The following NF1 variants were observed in gnomAD, a reference collection of about 807,000 sequenced individuals.
The protein encoded by NF1 is neurofibromin 1.
Under a neutral mutation model 325.7 loss-of-function variants are expected in NF1, and 122 were observed. The observed-to-expected ratio is 0.37, with a 90% CI of 0.32 to 0.44. The LOEUF (loss-of-function observed/expected upper bound fraction) is 0.44, where lower values mean the gene tolerates loss of function less well. Among genes scored for constraint, NF1 ranks in the 20% least tolerant of loss-of-function variants. The pLI is 1.00. For missense variants in NF1, 2,140 were observed against 3,415.4 expected, an observed-to-expected ratio of 0.63 and a Z score of 9.31; for synonymous variants, 1,091 against 1,186.0, an observed-to-expected ratio of 0.92 and a Z score of 1.65.
At position 31,265,319 on chromosome 17, in the gene NF1, T is replaced by A; in HGVS notation, c.4815T>A (p.Ile1605=). The part of the protein sequence containing the change: ...QAGTSKAGNP[I]FYYVARRFKT... ...GGACTTCCAAAGCTGGGAATCCTAT[T>A]TTTTATTATGTTGCACGGAGGTAAG... The change falls in exon 36 of 58, where the codon ATT becomes ATA. Residue 1605 remains isoleucine (I), a synonymous_variant. Coordinates refer to ENST00000358273, the MANE Select transcript of NF1 (RefSeq NM_001042492.3). The A allele has an allele frequency of 6.2e-7, 1 of 1,612,390 alleles. No homozygotes were observed. Among genetic ancestry groups the A allele is most frequent in the Non-Finnish European group, 8.5e-7 (1 of 1,178,738 alleles).
At chr17:31,320,417 A>G (rs768583648) in intron 36 of NF1, 3 of 1,611,218 alleles carry the variant, frequency 1.9e-6, no homozygotes, top group Admixed American at 1.7e-5. Context: ...TTCCAAACCA[A>G]CTCCTAAGCA....
In NF1 at chr17:31,127,523, CATG is replaced by C. The variant is rs200097301; in HGVS notation, c.61-28457_61-28455del. 9.5e-3 allele frequency among the ~76,000 whole-genome samples: 1,441 copies of C among 151,370 alleles called. 23 individuals are homozygous for C. Among genetic ancestry groups the C allele is most frequent in the African/African-American group, 0.033 (1,354 of 41,360 alleles). On this transcript the variant is annotated intron_variant, in intron 1 of 57. Coordinates refer to ENST00000358273, the MANE Select transcript of NF1 (RefSeq NM_001042492.3). ...TCCTAGAATATTTTTATTATTTATA[CATG>C]ATATTTAAAAAGTTATATTTTCTGA...
intron 56 of NF1, 180 bp downstream of exon 56, chr17:31,359,195 G>A (rs190287448): frequency 1.5e-4 from 88 of 584,654 alleles, no homozygotes; most frequent in Admixed American, 7.5e-4. Context: ...GCAGCATGGT[G>A]TTGGGGTGTG....
At chr17:31,292,357 A>G (rs978191570) in intron 36 of NF1, among the ~76,000 whole-genome samples, 3 of 152,206 alleles carry the variant, frequency 2.0e-5, no homozygotes, top group African/African-American at 7.2e-5. Flanking sequence ...AGTGGCAAAT[A>G]ATGAGCCTTT....
chr17:31,266,461 C>G (rs1230839845), intron 36 of NF1, among the ~76,000 whole-genome samples: 1 of 152,128 alleles, frequency 6.6e-6, no homozygotes, highest in Non-Finnish European at 1.5e-5. Flanking sequence ...TCTAAGTAAC[C>G]CCTGCTCACC....
At chr17:31,202,437 C>T (rs1028232104) in intron 11 of NF1, among the ~76,000 whole-genome samples, 2 of 152,134 alleles carry the variant, frequency 1.3e-5, no homozygotes, top group African/African-American at 4.8e-5. Context: ...AAATACTGCC[C>T]ATATTCTATC....
rs1394130169 is a variant in NF1, at chr17:31,253,006, T to G, written c.4173+6T>G. 1 of 1,608,898 alleles carries G rather than the reference T, an allele frequency of 6.2e-7. No homozygotes were observed. The highest frequency in any genetic ancestry group is 1.1e-5 in the South Asian group (1 of 90,906). ...AAAAGGAAAACAAAAAATCAGTAAG[T>G]TTGGAGAACTTTTTATTAGCTGTTT... On this transcript the variant is annotated splice_donor_region_variant and intron_variant, in intron 31 of 57. Coordinates refer to ENST00000358273, the MANE Select transcript of NF1 (RefSeq NM_001042492.3).
intron 13 of NF1, among the ~76,000 whole-genome samples, chr17:31,218,497 T>C (rs1343972097): frequency 6.6e-6 from 1 of 152,182 alleles, no homozygotes; most frequent in African/African-American, 2.4e-5. Flanking sequence ...GTTTTCAGTA[T>C]ATTTACAAGG....
At position 31,148,754 on chromosome 17, in the gene NF1, C is replaced by T. The variant is rs189538587; in HGVS notation, c.61-7229C>T. Among the ~76,000 whole-genome samples the T allele has an allele frequency of 4.7e-4, 71 of 152,180 alleles. 1 individual carries two copies. The highest frequency in any genetic ancestry group is 1.7e-3 in the African/African-American group (70 of 41,542). On this transcript the variant is annotated intron_variant, in intron 1 of 57. Transcript: ENST00000358273. ...AATACCACAGAATTATTTAGTTCCT[C>T]TCTTTATACCATTAAATAATTAGAT... is the stretch of plus-strand genomic sequence containing the variant.
intron 1 of NF1, among the ~76,000 whole-genome samples, chr17:31,097,282 A>C (rs942070712): frequency 1.3e-5 from 2 of 151,862 alleles, no homozygotes; most frequent in African/African-American, 2.4e-5. Flanking sequence ...ACATGGAGAA[A>C]CCTCGTCTCT....
At chr17:31,211,745 G>T (rs954228807) in intron 12 of NF1, among the ~76,000 whole-genome samples, 4 of 152,038 alleles carry the variant, frequency 2.6e-5, no homozygotes, top group South Asian at 2.1e-4. Context: ...CAGTATAAAA[G>T]AAAAAAATGT....
chr17:31,129,114 A>G (rs769332701), intron 1 of NF1, among the ~76,000 whole-genome samples: 15 of 151,230 alleles, frequency 9.9e-5, no homozygotes, highest in Non-Finnish European at 1.9e-4. Flanking sequence ...TGTTTTTTGG[A>G]GATTATCTTT....
At chr17:31,127,036 A>G (rs142533926) in intron 1 of NF1, among the ~76,000 whole-genome samples, 5 of 152,112 alleles carry the variant, frequency 3.3e-5, no homozygotes, top group African/African-American at 9.7e-5. Flanking sequence ...GTTCCAGCCT[A>G]TTTATTGAGT....
chr17:31,343,156 A>ATATT (rs757281407), intron 48 of NF1, 21 bp downstream of exon 48: 1 of 1,594,096 alleles, frequency 6.3e-7, no homozygotes, highest in East Asian at 2.2e-5. Flanking sequence ...CTTATTTAGA[A>ATATT]TATTTTTATG....
chr17:31,322,393 T>C (rs1567895426), intron 36 of NF1, among the ~76,000 whole-genome samples: 1 of 149,096 alleles, frequency 6.7e-6, no homozygotes, highest in Non-Finnish European at 1.5e-5. Context: ...GACAGGAGAA[T>C]AGCTTGAACC....
chr17:31,186,439 G>T (rs563758732), intron 8 of NF1, among the ~76,000 whole-genome samples: 2 of 152,254 alleles, frequency 1.3e-5, no homozygotes, highest in Non-Finnish European at 2.9e-5. Flanking sequence ...ACTTTGAGCA[G>T]TGCACGTGGT....
intron 30 of NF1, among the ~76,000 whole-genome samples, chr17:31,249,784 T>C (rs1472114469): frequency 6.6e-6 from 1 of 152,222 alleles, no homozygotes; most frequent in Non-Finnish European, 1.5e-5. Flanking sequence ...AATTGCACAT[T>C]GCAGTTTTAG....
chr17:31,357,577 T>C, intron 54 of NF1: 1 of 592,062 alleles, frequency 1.7e-6, no homozygotes, highest in South Asian at 2.0e-5. Context: ...TTTTAAAAAA[T>C]CTGGTTGATT....
intron 1 of NF1, among the ~76,000 whole-genome samples, chr17:31,139,033 A>T (rs1385475764): frequency 2.0e-5 from 3 of 151,344 alleles, no homozygotes; most frequent in Non-Finnish European, 4.4e-5. Context: ...AGCTGTTTTC[A>T]CTTTAAATAT....
Sources: gnomAD v4.1 joint callset for allele counts (sites outside exome capture counted in the v4.1 genomes callset) on GRCh38, gnomAD v4.1.1 for gene constraint, MANE v1.5 for transcripts, NCBI Gene and HGNC (gene_info 2026-07-23, HGNC 2026-07-21) for gene names.